Variants in POFUT3 observed in about 807,000 individuals in gnomAD.
The protein encoded by POFUT3 is GDP-fucose protein O-fucosyltransferase 3.
At chr8:33,308,779 G>A in the POFUT3 span, among the ~76,000 whole-genome samples, 1 of 152,022 alleles carries the variant, frequency 6.6e-6, no homozygotes, top group African/African-American at 2.4e-5. Context: ...CTCGTGACTG[G>A]GCCTCATGTC....
the POFUT3 span, among the ~76,000 whole-genome samples, chr8:33,439,416 A>T: frequency 2.0e-5 from 3 of 152,166 alleles, no homozygotes; most frequent in Non-Finnish European, 2.9e-5. Context: ...AAAGAAAGAA[A>T]GAAACTGTGT....
chr8:33,444,161 T>C, the POFUT3 span, among the ~76,000 whole-genome samples: 12,357 of 151,004 alleles, frequency 0.082, 635 homozygotes, highest in African/African-American at 0.15. Context: ...ACGGCAGGGG[T>C]TTATGTCCTC....
the POFUT3 span, among the ~76,000 whole-genome samples, chr8:33,337,266 A>G: frequency 1.3e-5 from 2 of 152,234 alleles, no homozygotes. Context: ...TAAATCATCT[A>G]ATCTAGTCCT....
the POFUT3 span, among the ~76,000 whole-genome samples, chr8:33,316,339 G>A: frequency 6.6e-6 from 1 of 151,990 alleles, no homozygotes; most frequent in Non-Finnish European, 1.5e-5. Flanking sequence ...GGTTACTAAG[G>A]GGTAACATCT....
chr8:33,462,931 A>C, the POFUT3 span, among the ~76,000 whole-genome samples: 1 of 142,816 alleles, frequency 7.0e-6, no homozygotes, highest in Non-Finnish European at 1.5e-5. Context: ...ACCCTATCTC[A>C]AAAAAAAAAA....
the POFUT3 span, among the ~76,000 whole-genome samples, chr8:33,321,870 C>A: frequency 1.4e-4 from 21 of 152,050 alleles, no homozygotes; most frequent in Admixed American, 1.4e-3. Context: ...CTTAGGTGCA[C>A]CTTTTGAATG....
At chr8:33,309,377 T>TGTGTGTGTGTGTGTGTGTGTG in the POFUT3 span, among the ~76,000 whole-genome samples, 139 of 146,262 alleles carry the variant, frequency 9.5e-4, no homozygotes, top group African/African-American at 3.4e-3. Context: ...GTGTGTGTGT[T>TGTGTGTGTGTGTGTGTGTGTG]TTTCTCCCCT....
the POFUT3 span, among the ~76,000 whole-genome samples, chr8:33,434,652 C>A: frequency 6.6e-6 from 1 of 152,196 alleles, no homozygotes; most frequent in Non-Finnish European, 1.5e-5. Flanking sequence ...TAGCAGGGCA[C>A]CAGACCTCGG....
At chr8:33,462,472 C>A in the POFUT3 span, among the ~76,000 whole-genome samples, 1 of 152,078 alleles carries the variant, frequency 6.6e-6, no homozygotes, top group Non-Finnish European at 1.5e-5. Flanking sequence ...ACTAAGGAAA[C>A]CAACTTTTGC....
At chr8:33,365,366 A>G in the POFUT3 span, among the ~76,000 whole-genome samples, 3 of 152,354 alleles carry the variant, frequency 2.0e-5, no homozygotes, top group East Asian at 5.8e-4. Flanking sequence ...CTTCATGACT[A>G]AAACGCTAAA....
the POFUT3 span, among the ~76,000 whole-genome samples, chr8:33,363,219 A>G: frequency 6.6e-6 from 1 of 152,228 alleles, no homozygotes; most frequent in Non-Finnish European, 1.5e-5. Context: ...CTTGGAAACC[A>G]ATGAGAACAA....
the POFUT3 span, among the ~76,000 whole-genome samples, chr8:33,460,364 A>G: frequency 2.0e-5 from 3 of 152,170 alleles, no homozygotes; most frequent in Non-Finnish European, 4.4e-5. Context: ...TCAAAAAATA[A>G]TAAATAAATA....
the POFUT3 span, among the ~76,000 whole-genome samples, chr8:33,470,999 C>G: frequency 2.6e-5 from 4 of 151,918 alleles, no homozygotes; most frequent in Non-Finnish European, 5.9e-5. Context: ...ATTACTTTAT[C>G]TTCATTTTCC....
chr8:33,411,034 T>A, the POFUT3 span, among the ~76,000 whole-genome samples: 1 of 152,136 alleles, frequency 6.6e-6, no homozygotes, highest in Admixed American at 6.6e-5. Flanking sequence ...GGTGTTATGG[T>A]CTGGGCCATT....
chr8:33,330,216 C>A, the POFUT3 span, among the ~76,000 whole-genome samples: 2 of 152,062 alleles, frequency 1.3e-5, no homozygotes, highest in Non-Finnish European at 2.9e-5. Flanking sequence ...GAGGCTGAGG[C>A]GGGCAGATCA....
the POFUT3 span, among the ~76,000 whole-genome samples, chr8:33,345,185 T>A: frequency 6.6e-6 from 1 of 152,194 alleles, no homozygotes; most frequent in East Asian, 1.9e-4. Context: ...TCTCAAGAAT[T>A]GCAATTAAAA....
the POFUT3 span, among the ~76,000 whole-genome samples, chr8:33,472,471 C>A: frequency 6.6e-6 from 1 of 152,230 alleles, no homozygotes; most frequent in Non-Finnish European, 1.5e-5. Context: ...ATACCTAACA[C>A]ATGGCTTGCA....
the POFUT3 span, among the ~76,000 whole-genome samples, chr8:33,361,796 T>C: frequency 6.6e-6 from 1 of 152,262 alleles, no homozygotes; most frequent in African/African-American, 2.4e-5. Context: ...AAGGCATTTT[T>C]CATGTTCCTG....
the POFUT3 span, among the ~76,000 whole-genome samples, chr8:33,403,788 T>C: frequency 6.6e-6 from 1 of 152,114 alleles, no homozygotes; most frequent in Non-Finnish European, 1.5e-5. Flanking sequence ...ATATCTAAAG[T>C]AAGACGAACT....
Sources: gnomAD v4.1 joint callset for allele counts (sites outside exome capture counted in the v4.1 genomes callset) on GRCh38, gnomAD v4.1.1 for gene constraint, MANE v1.5 for transcripts, NCBI Gene and HGNC (gene_info 2026-07-23, HGNC 2026-07-21) for gene names.